Variants in FTO observed in about 807,000 individuals in gnomAD.
The protein encoded by FTO is FTO alpha-ketoglutarate dependent dioxygenase.
A neutral mutation model predicts 63.9 loss-of-function variants in FTO; 47 were observed. The ratio of observed to expected loss-of-function variants is 0.74; its 90% CI spans 0.58 to 0.94. The LOEUF (loss-of-function observed/expected upper bound fraction) is 0.94. Among genes scored for constraint, FTO ranks in the 40% least tolerant of loss-of-function variants. FTO has a pLI of 0.00. For synonymous variants in FTO, 207 were observed against 224.4 expected (o/e 0.92, Z 0.69); for missense variants, 562 against 618.1 (o/e 0.91, Z 0.96).
intron 7 of FTO, among the ~76,000 whole-genome samples, chr16:53,904,196 G>A (rs1043377483): frequency 6.6e-6 from 1 of 152,000 alleles, no homozygotes; most frequent in African/African-American, 2.4e-5. Flanking sequence ...TTGCAAGAAT[G>A]ATTGGTGAAA....
intron 4 of FTO, among the ~76,000 whole-genome samples, chr16:53,850,452 T>G (rs1244235311): frequency 6.6e-6 from 1 of 152,210 alleles, no homozygotes; most frequent in Non-Finnish European, 1.5e-5. Flanking sequence ...ATATCTGATT[T>G]TTTTTAAATT....
chr16:53,953,965 C>T (rs1248401444), intron 8 of FTO, among the ~76,000 whole-genome samples: 1 of 152,192 alleles, frequency 6.6e-6, no homozygotes, highest in Non-Finnish European at 1.5e-5. Context: ...GGAAGCTACT[C>T]CCAATGTATA....
chr16:53,912,758 C>T (rs1420855357), intron 7 of FTO, among the ~76,000 whole-genome samples: 1 of 152,162 alleles, frequency 6.6e-6, no homozygotes, highest in East Asian at 1.9e-4. Context: ...TCTGCGATTC[C>T]ACCTACCATT....
chr16:54,104,112 A>G (rs1471877154), intron 8 of FTO, among the ~76,000 whole-genome samples: 3 of 152,170 alleles, frequency 2.0e-5, no homozygotes, highest in African/African-American at 7.2e-5. Context: ...ACAAATACAC[A>G]TTAGAGTGAA....
intron 1 of FTO, among the ~76,000 whole-genome samples, chr16:53,804,777 G>A (rs1042142709): frequency 2.0e-5 from 3 of 151,766 alleles, no homozygotes; most frequent in South Asian, 2.1e-4. Flanking sequence ...CACCATGGCC[G>A]GCTAATTTTT....
At chr16:53,969,475 T>C (rs2083270717) in intron 8 of FTO, among the ~76,000 whole-genome samples, 1 of 152,190 alleles carries the variant, frequency 6.6e-6, no homozygotes, top group Non-Finnish European at 1.5e-5. Context: ...TTGTTTTCTA[T>C]TAATTCATCT....
intron 7 of FTO, among the ~76,000 whole-genome samples, chr16:53,925,753 A>G (rs547011581): frequency 2.6e-4 from 39 of 152,344 alleles, no homozygotes; most frequent in South Asian, 2.1e-4. Flanking sequence ...AAATTCTGCT[A>G]TGATACAGTG....
chr16:53,734,282 T>G (rs1165867229), intron 1 of FTO, among the ~76,000 whole-genome samples: 1 of 152,236 alleles, frequency 6.6e-6, no homozygotes, highest in Non-Finnish European at 1.5e-5. Flanking sequence ...GAATAAGAGA[T>G]TCACTCTTTT....
chr16:53,985,770 C>T (rs1217984060), intron 8 of FTO, among the ~76,000 whole-genome samples: 2 of 152,166 alleles, frequency 1.3e-5, no homozygotes, highest in Non-Finnish European at 2.9e-5. Context: ...AGGACATTTC[C>T]TGAGTAAAAT....
intron 3 of FTO, among the ~76,000 whole-genome samples, chr16:53,829,182 G>A (rs1040784987): frequency 1.3e-5 from 2 of 152,156 alleles, no homozygotes; most frequent in Non-Finnish European, 2.9e-5. Context: ...GAGCCACTGC[G>A]CCTGGCCAGG....
chr16:53,705,454 C>T (rs890888917), intron 1 of FTO, among the ~76,000 whole-genome samples: 1 of 152,186 alleles, frequency 6.6e-6, no homozygotes, highest in African/African-American at 2.4e-5. Context: ...GGCCTTTGCA[C>T]ATGTCATTTG....
chr16:54,050,020 T>C (rs917983559), intron 8 of FTO, among the ~76,000 whole-genome samples: 7 of 152,218 alleles, frequency 4.6e-5, no homozygotes, highest in African/African-American at 1.7e-4. Flanking sequence ...CACTTGACTT[T>C]TCTCTACATT....
chr16:54,093,165 A>T (rs2086434441), intron 8 of FTO, among the ~76,000 whole-genome samples: 1 of 152,164 alleles, frequency 6.6e-6, no homozygotes. Context: ...GCACTTACGC[A>T]TCCAACCCTG....
chr16:54,080,992 G>A (rs708261), intron 8 of FTO, among the ~76,000 whole-genome samples: 15,274 of 152,160 alleles, frequency 0.1, 2,410 homozygotes, highest in African/African-American at 0.34. Context: ...GCAAAACCCC[G>A]TGTCCCCTAA....
At position 54,056,573 on chromosome 16, in the gene FTO, G is replaced by T. The variant is rs1166567884; in HGVS notation, c.1365-55189G>T. 3.9e-5 allele frequency among the ~76,000 whole-genome samples: 6 copies of T among 152,290 alleles called. No homozygotes were observed. In the South Asian group the frequency reaches 6.2e-4, roughly 16 times the overall value. On this transcript the variant is annotated intron_variant, in intron 8 of 8. Transcript: ENST00000471389. ...GCCACTTATGATCTCTTTCTGTCTG[G>T]ACTACTCACGCTGGGAGAAGCCAGT...
chr16:53,969,536 A>G (rs2083271474), intron 8 of FTO, among the ~76,000 whole-genome samples: 1 of 152,166 alleles, frequency 6.6e-6, no homozygotes, highest in Non-Finnish European at 1.5e-5. Flanking sequence ...CATAATATAT[A>G]CTGTCATTGG....
chr16:54,027,762 C>T (rs534745972), intron 8 of FTO, among the ~76,000 whole-genome samples: 15 of 152,256 alleles, frequency 9.9e-5, no homozygotes, highest in Admixed American at 4.6e-4. Context: ...CTGAAGCAAT[C>T]GTGAGTTAAT....
chr16:53,920,047 A>G (rs964313273), intron 7 of FTO, among the ~76,000 whole-genome samples: 12 of 152,176 alleles, frequency 7.9e-5, no homozygotes, highest in Non-Finnish European at 1.3e-4. Context: ...CTTCATTTTT[A>G]TGACTCATTT....
chr16:54,083,669 G>A (rs61623278), intron 8 of FTO, among the ~76,000 whole-genome samples: 12,906 of 152,036 alleles, frequency 0.085, 1,692 homozygotes, highest in African/African-American at 0.28. Flanking sequence ...ACACGACACC[G>A]CCCTCCCTAC....
Sources: allele counts gnomAD v4.1 joint callset (sites outside exome capture counted in the v4.1 genomes callset), GRCh38; gene constraint gnomAD v4.1.1; transcripts MANE v1.5; gene names NCBI Gene and HGNC (gene_info 2026-07-23, HGNC 2026-07-21).